CAPN9: variants seen among roughly 807,000 people sequenced by gnomAD.
CAPN9 encodes calpain 9.
CAPN9 carries 81 observed loss-of-function variants against 92.8 expected under a neutral mutation model. The observed-to-expected ratio is 0.87, with a 90% confidence interval of 0.73 to 1.05. CAPN9 has a LOEUF of 1.05. Among genes scored for constraint, CAPN9 ranks in the 50% least tolerant of loss-of-function variants. The pLI, the probability that CAPN9 is intolerant of heterozygous loss-of-function variation, is 0.00. For synonymous variants in CAPN9, 304 were observed against 328.0 expected (o/e 0.93, Z 0.79); for missense variants, 848 against 866.2 (o/e 0.98, Z 0.26).
intron 2 of CAPN9, among the ~76,000 whole-genome samples, chr1:230,756,268 G>C (rs1572015529): frequency 6.6e-6 from 1 of 152,084 alleles, no homozygotes; most frequent in South Asian, 2.1e-4. Context: ...CACAAACCTA[G>C]ACTGATGTTA....
At chr1:230,795,063 T>C in intron 17 of CAPN9, 100 bp from the exon 18 acceptor site, 1 of 741,896 alleles carries the variant, frequency 1.3e-6, no homozygotes, top group South Asian at 1.6e-5. Flanking sequence ...CTTCCTCTTC[T>C]GAGCCCTCTC....
At chr1:230,786,136 T>A (rs1667566642) in intron 12 of CAPN9, 119 bp downstream of exon 12, 1 of 1,588,632 alleles carries the variant, frequency 6.3e-7, no homozygotes, top group African/African-American at 1.3e-5. Flanking sequence ...TGCAATCAAG[T>A]AAGCATCTAT....
Position 230,795,293 on chromosome 1 carries a change from G to T in CAPN9, c.1987+14G>T. Reference sequence around the variant, plus strand: ...AGAATGCGAGCCGTAAGTGTCCAGCGAGGCTGAGGGTGCACCTCGGGGTGG... The same window carrying T: ...AGAATGCGAGCCGTAAGTGTCCAGCTAGGCTGAGGGTGCACCTCGGGGTGG... On this transcript the variant is annotated intron_variant, in intron 18 of 19. Coordinates refer to ENST00000271971, the MANE Select transcript of CAPN9 (RefSeq NM_006615.3). The T allele has an allele frequency of 6.5e-7, 1 of 1,538,052 alleles. No individual in the cohort carries two copies.
At chr1:230,755,975 T>A (rs901085318) in intron 2 of CAPN9, among the ~76,000 whole-genome samples, 1 of 152,134 alleles carries the variant, frequency 6.6e-6, no homozygotes, top group African/African-American at 2.4e-5. Flanking sequence ...TGAACCTGAG[T>A]GCACCTCAAG....
At chr1:230,752,789 CAGGG>C in intron 1 of CAPN9, 1 of 788,058 alleles carries the variant, frequency 1.3e-6, no homozygotes, top group Non-Finnish European at 1.5e-6. Context: ...GCAATCAAGA[CAGGG>C]AGGGCTTGGG....
rs2102953348 is a variant in CAPN9, at chr1:230,801,942, C to T, written c.*346C>T. On this transcript the variant is annotated 3_prime_UTR_variant, in exon 20 of 20. Coordinates refer to ENST00000271971, the MANE Select transcript of CAPN9 (RefSeq NM_006615.3). ...GCACAGAATCCTGACTTCCATGTAG[C>T]TCCAGTCATTGTGATCAGACATCCT... The T allele has an allele frequency of 9.2e-6, 3 of 326,866 alleles. No homozygotes were observed. The highest frequency in any genetic ancestry group is 1.0e-4 in the East Asian group (2 of 20,058). 20.2% of individuals were successfully genotyped at this position (326,866 alleles called of 1,614,324 possible). A position where few individuals can be genotyped will look rare whatever the true frequency, so the allele number is the denominator to read the frequency against.
chr1:230,764,672 T>C (rs1419236605), intron 4 of CAPN9, among the ~76,000 whole-genome samples: 1 of 152,240 alleles, frequency 6.6e-6, no homozygotes, highest in Non-Finnish European at 1.5e-5. Flanking sequence ...AAATTGTTTC[T>C]TGTAGGAGTA....
intron 1 of CAPN9, chr1:230,752,759 T>A: frequency 1.1e-6 from 1 of 932,730 alleles, no homozygotes; most frequent in Non-Finnish European, 1.3e-6. Context: ...TTGCCAGGGC[T>A]ATCCCCTGGC....
intron 17 of CAPN9, 78 bp downstream of exon 17, chr1:230,793,006 C>G: frequency 9.5e-7 from 1 of 1,054,528 alleles, no homozygotes; most frequent in Non-Finnish European, 1.5e-6. Context: ...GATGGCAGGT[C>G]TTCTCTCTGC....
chr1:230,766,517 G>A (rs560258185), intron 4 of CAPN9, among the ~76,000 whole-genome samples: 80 of 152,160 alleles, frequency 5.3e-4, no homozygotes, highest in African/African-American at 1.7e-3. Flanking sequence ...CCTCAAAACC[G>A]TCAAGGTCAT....
chr1:230,792,748 C>G, intron 16 of CAPN9, 102 bp from the exon 17 acceptor site: 1 of 999,692 alleles, frequency 1.0e-6, no homozygotes, highest in Non-Finnish European at 1.6e-6. Flanking sequence ...CTCTGCGGCC[C>G]CTAGAGGGTA....
chr1:230,789,984 C>T (rs1352627430), intron 13 of CAPN9, 148 bp from the exon 14 acceptor site: 1 of 588,898 alleles, frequency 1.7e-6, no homozygotes, highest in Non-Finnish European at 3.0e-6. Context: ...TGCAGCTACA[C>T]AGGAGATAGG....
intron 6 of CAPN9, among the ~76,000 whole-genome samples, chr1:230,769,618 TATC>T (rs1185916535): frequency 0.13 from 721 of 5,456 alleles, 6 homozygotes; most frequent in Middle Eastern, 0.25. Flanking sequence ...CACACACACC[TATC>T]TATCTATCTA....
chr1:230,779,285 G>A, intron 9 of CAPN9, 152 bp downstream of exon 9: 1 of 691,812 alleles, frequency 1.4e-6, no homozygotes, highest in South Asian at 2.1e-5. Flanking sequence ...AGATTTAGTT[G>A]GATAAGAATT....
chr1:230,774,129 C>G (rs2102878826), intron 7 of CAPN9, among the ~76,000 whole-genome samples: 1 of 152,330 alleles, frequency 6.6e-6, no homozygotes, highest in Non-Finnish European at 1.5e-5. Context: ...GGCATTATCA[C>G]CTTTCCAAGT....
intron 8 of CAPN9, 104 bp downstream of exon 8, chr1:230,774,735 CTTTCTTTT>C (rs1666627796): frequency 4.4e-3 from 2,586 of 587,042 alleles, no homozygotes; most frequent in Middle Eastern, 0.013. Context: ...TTCTTTCTTT[CTTTCTTTT>C]TTTTTTTTTT....
intron 1 of CAPN9, among the ~76,000 whole-genome samples, chr1:230,751,702 T>C (rs1199398226): frequency 6.6e-6 from 1 of 151,658 alleles, no homozygotes; most frequent in Non-Finnish European, 1.5e-5. Context: ...CTTTTCCCTT[T>C]GTGAATTATT....
intron 7 of CAPN9, among the ~76,000 whole-genome samples, chr1:230,774,085 G>A (rs746509432): frequency 3.2e-4 from 49 of 152,172 alleles, no homozygotes; most frequent in Non-Finnish European, 6.0e-4. Context: ...AAAAGGTGCC[G>A]GGTACAGACA....
chr1:230,768,675 T>C (rs1666175075), intron 5 of CAPN9, among the ~76,000 whole-genome samples: 1 of 152,200 alleles, frequency 6.6e-6, no homozygotes, highest in Admixed American at 6.5e-5. Context: ...AAACTTTTTG[T>C]TGTTTTTTAT....
Sources: allele counts gnomAD v4.1 joint callset (sites outside exome capture counted in the v4.1 genomes callset), GRCh38; gene constraint gnomAD v4.1.1; transcripts MANE v1.5; gene names NCBI Gene and HGNC (gene_info 2026-07-23, HGNC 2026-07-21).